The following PATJ variants were observed in gnomAD, a reference collection of about 807,000 sequenced individuals.
The protein encoded by PATJ is inaD-like protein.
A neutral mutation model predicts 224.9 loss-of-function variants in PATJ; 190 were observed. The ratio of observed to expected loss-of-function variants is 0.84; its 90% CI spans 0.75 to 0.95. The LOEUF (loss-of-function observed/expected upper bound fraction) is 0.95. Ranked by LOEUF, PATJ falls within the 40% of genes least tolerant of loss-of-function variation. The pLI is 0.00. For synonymous variants in PATJ, 769 were observed against 820.3 expected, an observed-to-expected ratio of 0.94 and a Z score of 1.07; for missense variants, 2,121 against 2,270.3, an observed-to-expected ratio of 0.93 and a Z score of 1.34.
intron 14 of PATJ, among the ~76,000 whole-genome samples, chr1:61,812,809 A>ACTG (rs1219618782): frequency 2.6e-5 from 4 of 151,958 alleles, no homozygotes; most frequent in Admixed American, 2.6e-4. Context: ...AGATTGTGCC[A>ACTG]CTGGACTCCA....
chr1:61,964,507 G>A (rs529272791), intron 27 of PATJ, among the ~76,000 whole-genome samples: 38 of 152,278 alleles, frequency 2.5e-4, no homozygotes, highest in Middle Eastern at 3.4e-3. Flanking sequence ...AGATATTTAA[G>A]GCTGGGTGCA....
intron 7 of PATJ, among the ~76,000 whole-genome samples, chr1:61,786,392 G>GT (rs57400697): frequency 0.046 from 6,991 of 152,086 alleles, 223 homozygotes; most frequent in East Asian, 0.11. Flanking sequence ...TTGTTTGTTT[G>GT]TTTGACCTCT....
intron 15 of PATJ, 90 bp from the exon 16 acceptor site, chr1:61,827,332 T>C (rs1216560868): frequency 2.6e-6 from 3 of 1,135,212 alleles, no homozygotes; most frequent in Non-Finnish European, 3.6e-6. Context: ...TGATGTCCTA[T>C]TTTCATTTTG....
At chr1:62,130,560 AAAG>A (rs1030241164) in intron 41 of PATJ, among the ~76,000 whole-genome samples, 1 of 151,634 alleles carries the variant, frequency 6.6e-6, no homozygotes, top group Non-Finnish European at 1.5e-5. Context: ...AATTAGAAAA[AAAG>A]AAAAACTGCT....
Position 62,117,181 on chromosome 1 carries a change from C to T in PATJ, c.4853C>T (p.Ser1618Phe). 6.2e-7 allele frequency: 1 copy of T among 1,614,098 alleles called. No individual in the cohort carries two copies. The highest frequency in any genetic ancestry group is 1.1e-5 in the South Asian group (1 of 91,078). ...QLEIGRLRAG[S>F]WTSARTTSQN... The stretch of plus-strand genomic sequence containing the variant: ...GAGATTGGAAGACTCCGAGCTGGTT[C>T]CTGGACCTCCGCAAGGACGACATCA... Residue 1618 changes from serine to phenylalanine, a missense_variant, in exon 37 of 44, where the codon TCC (serine) becomes TTC (phenylalanine). Coordinates refer to ENST00000642238, the MANE Select transcript of PATJ (RefSeq NM_001350145.3).
chr1:62,008,678 G>A (rs756058077), intron 28 of PATJ, among the ~76,000 whole-genome samples: 5 of 152,148 alleles, frequency 3.3e-5, no homozygotes, highest in African/African-American at 4.8e-5. Flanking sequence ...GAGTCTGGGC[G>A]GTCAAGGCTG....
At chr1:61,989,991 C>T (rs1390113455) in intron 27 of PATJ, among the ~76,000 whole-genome samples, 177 bp from the exon 28 acceptor site, 1 of 151,994 alleles carries the variant, frequency 6.6e-6, no homozygotes, top group Non-Finnish European at 1.5e-5. Context: ...GTGCTATAGT[C>T]ACACCTGTGA....
intron 29 of PATJ, among the ~76,000 whole-genome samples, chr1:62,031,054 A>G (rs1649177697): frequency 1.3e-5 from 2 of 152,194 alleles, no homozygotes; most frequent in Non-Finnish European, 2.9e-5. Flanking sequence ...TCAGTAACAA[A>G]CAGCCCCAAA....
chr1:62,119,751 C>T (rs1664843635), intron 37 of PATJ, among the ~76,000 whole-genome samples: 1 of 152,088 alleles, frequency 6.6e-6, no homozygotes, highest in African/African-American at 2.4e-5. Flanking sequence ...ACCAGCCTGG[C>T]CAAAGAGCCT....
At chr1:62,139,040 C>T (rs1667224119) in intron 41 of PATJ, among the ~76,000 whole-genome samples, 1 of 152,112 alleles carries the variant, frequency 6.6e-6, no homozygotes. Flanking sequence ...GTTTCCTCTG[C>T]CCCCATCTCT....
chr1:62,133,848 G>T (rs1666524413), intron 41 of PATJ, among the ~76,000 whole-genome samples: 1 of 149,406 alleles, frequency 6.7e-6, no homozygotes, highest in Admixed American at 6.8e-5. Flanking sequence ...CTGGGTTCAA[G>T]CAATTCTCCT....
chr1:61,912,541 A>C (rs1322708583), intron 25 of PATJ, among the ~76,000 whole-genome samples: 1 of 151,396 alleles, frequency 6.6e-6, no homozygotes, highest in Non-Finnish European at 1.5e-5. Context: ...GCAGTGAGCC[A>C]AGACTGCACT....
intron 31 of PATJ, among the ~76,000 whole-genome samples, chr1:62,054,831 GA>G (rs1654272007): frequency 1.3e-5 from 2 of 152,084 alleles, no homozygotes; most frequent in Non-Finnish European, 1.5e-5. Context: ...CCGAGGCGGG[GA>G]GATCAAGAGG....
Position 62,130,845 on chromosome 1 carries a change from C to T in PATJ, c.5271+1900C>T, listed in dbSNP as rs575403954. On this transcript the variant is annotated intron_variant, in intron 41 of 43. Transcript: ENST00000642238. ...CATCCTGGGCGACAGAGCAAGACTC[C>T]GTCTCAAAAGAAAAAAAGAAAAACC... is the stretch of plus-strand genomic sequence containing the variant. Among the ~76,000 whole-genome samples the T allele has an allele frequency of 2.6e-5, 4 of 152,046 alleles. No individual in the cohort carries two copies. In the East Asian group the frequency reaches 7.7e-4, roughly 29 times the overall value.
chr1:62,037,912 T>C, intron 29 of PATJ, 65 bp from the exon 30 acceptor site: 1 of 918,744 alleles, frequency 1.1e-6, no homozygotes, highest in Non-Finnish European at 1.7e-6. Context: ...AGGAAGTATT[T>C]ATAATTTGAG....
rs1668837297 is a variant in PATJ at position 62,153,485 on chromosome 1, T to C, written c.5502+4T>C. On this transcript the variant is annotated splice_donor_region_variant and intron_variant, in intron 43 of 43. Coordinates refer to ENST00000642238, the MANE Select transcript of PATJ (RefSeq NM_001350145.3). Reference sequence around the variant, plus strand: ...TGTCAAGACTGTATTTGCAAAGGTATATCTTCTTTTTTAATGTACTTTTTT... The same window carrying C: ...TGTCAAGACTGTATTTGCAAAGGTACATCTTCTTTTTTAATGTACTTTTTT... 8.1e-7 allele frequency: 1 copy of C among 1,230,690 alleles called. No homozygotes were observed. The highest frequency in any genetic ancestry group is 1.6e-5 in the African/African-American group (1 of 64,394). 76.2% of individuals were successfully genotyped at this position (1,230,690 alleles called of 1,614,324 possible).
intron 20 of PATJ, chr1:61,865,563 A>G (rs764563624): frequency 2.6e-5 from 4 of 152,156 alleles, no homozygotes; most frequent in Non-Finnish European, 5.9e-5. Flanking sequence ...ATATTTTAAT[A>G]GATTTGCCTT....
At chr1:61,959,433 T>A (rs1375627529) in intron 27 of PATJ, among the ~76,000 whole-genome samples, 1,135 of 32,342 alleles carry the variant, frequency 0.035, 31 homozygotes, top group African/African-American at 0.073. Context: ...ATATTTTTTT[T>A]CTTTTCTTTT....
At chr1:61,915,314 G>C (rs1340594025) in intron 26 of PATJ, among the ~76,000 whole-genome samples, 1 of 152,166 alleles carries the variant, frequency 6.6e-6, no homozygotes, top group South Asian at 2.1e-4. Flanking sequence ...GGTTACAAGG[G>C]GGAGTCTGTT....
Sources: allele counts gnomAD v4.1 joint callset (sites outside exome capture counted in the v4.1 genomes callset), GRCh38; gene constraint gnomAD v4.1.1; transcripts MANE v1.5; gene names NCBI Gene and HGNC (gene_info 2026-07-23, HGNC 2026-07-21).